Variants in PPP1R3A observed in about 807,000 individuals in gnomAD.
PPP1R3A encodes RG1.
Under a neutral mutation model 41.7 loss-of-function variants are expected in PPP1R3A, and 29 were observed. The ratio of observed to expected loss-of-function variants is 0.70; its 90% CI spans 0.52 to 0.95. PPP1R3A has a LOEUF of 0.95. Ranked by LOEUF, PPP1R3A falls within the 40% of genes least tolerant of loss-of-function variation. The probability of loss-of-function intolerance (pLI) is 0.00; values close to 1 mark genes in which losing one functional copy is unlikely to be tolerated. For synonymous variants in PPP1R3A, 485 were observed against 453.4 expected, an observed-to-expected ratio of 1.07 and a Z score of -0.89; for missense variants, 1,352 against 1,292.4, an observed-to-expected ratio of 1.05 and a Z score of -0.71.
intron 1 of PPP1R3A, among the ~76,000 whole-genome samples, chr7:113,915,851 T>C (rs1298205924): frequency 6.6e-6 from 1 of 151,998 alleles, no homozygotes; most frequent in Non-Finnish European, 1.5e-5. Flanking sequence ...GCTATTTTTC[T>C]CTAACCAAAC....
intron 1 of PPP1R3A, among the ~76,000 whole-genome samples, chr7:113,889,423 T>C (rs985547081): frequency 6.6e-6 from 1 of 152,162 alleles, no homozygotes; most frequent in Non-Finnish European, 1.5e-5. Context: ...AGGAAAAGCA[T>C]GGGTGAAAGA....
chr7:113,886,664 T>C (rs1424557881), intron 1 of PPP1R3A, among the ~76,000 whole-genome samples: 1 of 152,166 alleles, frequency 6.6e-6, no homozygotes, highest in Non-Finnish European at 1.5e-5. Flanking sequence ...TAATTTGAAA[T>C]ATATAAATAG....
intron 1 of PPP1R3A, among the ~76,000 whole-genome samples, chr7:113,894,000 A>C: frequency 6.6e-6 from 1 of 151,906 alleles, no homozygotes; most frequent in East Asian, 1.9e-4. Flanking sequence ...GTTGTGACAA[A>C]GTGGTAGGTG....
chr7:113,901,205 CT>C, intron 1 of PPP1R3A, among the ~76,000 whole-genome samples: 2 of 151,634 alleles, frequency 1.3e-5, no homozygotes. Context: ...TGACTTATTT[CT>C]GTGTGAAATA....
intron 1 of PPP1R3A, among the ~76,000 whole-genome samples, chr7:113,890,274 A>G (rs1796857749): frequency 6.6e-6 from 1 of 152,146 alleles, no homozygotes; most frequent in South Asian, 2.1e-4. Flanking sequence ...TACAAATGCT[A>G]TTCAGGGGCC....
intron 1 of PPP1R3A, among the ~76,000 whole-genome samples, chr7:113,908,111 T>C (rs908298265): frequency 6.6e-6 from 1 of 151,902 alleles, no homozygotes; most frequent in Non-Finnish European, 1.5e-5. Flanking sequence ...TTGAACTAAA[T>C]GGGTTTTATG....
chr7:113,883,328 C>G (rs1584812896), intron 1 of PPP1R3A, among the ~76,000 whole-genome samples: 1 of 151,974 alleles, frequency 6.6e-6, no homozygotes, highest in Admixed American at 6.6e-5. Flanking sequence ...ATTTGTGTAA[C>G]AAGAGTCTAG....
In PPP1R3A at chr7:113,918,511, A is replaced by G. The variant is rs1236646886; in HGVS notation, c.486T>C (p.Ser162=). The change falls in exon 1 of 4, where the codon TCT becomes TCC. Residue 162 remains serine, a synonymous_variant. Coordinates refer to ENST00000284601, the MANE Select transcript of PPP1R3A (RefSeq NM_002711.4). ...SFEKLVYVRM[S]LDDWQTHYDI... ...CATAATGTGTCTGCCAGTCATCTAA[A>G]GACATTCTTACATATACTAACTTCT... is the stretch of plus-strand genomic sequence containing the variant. 8.1e-6 allele frequency: 13 copies of G among 1,613,002 alleles called. No individual in the cohort carries two copies. The highest frequency in any genetic ancestry group is 1.7e-5 in the Admixed American group (1 of 59,900).
chr7:113,892,471 T>TAAAG (rs1796908556), intron 1 of PPP1R3A, among the ~76,000 whole-genome samples: 1 of 152,080 alleles, frequency 6.6e-6, no homozygotes, highest in Non-Finnish European at 1.5e-5. Context: ...AGGAAGAAAG[T>TAAAG]AAAGACTTAT....
At chr7:113,889,860 G>A (rs1562920549) in intron 1 of PPP1R3A, among the ~76,000 whole-genome samples, 1 of 152,036 alleles carries the variant, frequency 6.6e-6, no homozygotes, top group Non-Finnish European at 1.5e-5. Context: ...AAAGCAAGAC[G>A]GAGTCCCTGC....
At chr7:113,909,207 T>C (rs959656885) in intron 1 of PPP1R3A, among the ~76,000 whole-genome samples, 2 of 152,032 alleles carry the variant, frequency 1.3e-5, no homozygotes, top group African/African-American at 2.4e-5. Flanking sequence ...TACAGTTACA[T>C]TCTGGAAAGA....
intron 1 of PPP1R3A, among the ~76,000 whole-genome samples, chr7:113,917,258 G>A (rs1797356693): frequency 6.6e-6 from 1 of 151,952 alleles, no homozygotes; most frequent in South Asian, 2.1e-4. Context: ...GGACAGTTAA[G>A]ATGGACCACT....
At chr7:113,887,785 C>A (rs1340887558) in intron 1 of PPP1R3A, among the ~76,000 whole-genome samples, 2 of 152,082 alleles carry the variant, frequency 1.3e-5, no homozygotes, top group Non-Finnish European at 2.9e-5. Flanking sequence ...AATCCCAGCA[C>A]TTTGGGAGGC....
intron 1 of PPP1R3A, among the ~76,000 whole-genome samples, chr7:113,915,000 A>C (rs1372963800): frequency 1.3e-5 from 2 of 152,096 alleles, no homozygotes; most frequent in Non-Finnish European, 2.9e-5. Context: ...AACCCATCAG[A>C]TATATCAGGA....
In PPP1R3A at chr7:113,877,478, G is replaced by A. The variant is rs78892085; in HGVS notation, c.*245C>T. 2.6e-6 allele frequency: 1 copy of A among 378,860 alleles called. No homozygotes were observed. Among genetic ancestry groups the A allele is most frequent in the East Asian group, 4.1e-5 (1 of 24,582 alleles). The allele number at this position is 378,860 out of a possible 1,614,324, so 23.5% of individuals were successfully genotyped here. ...CATAGCCTGCTAAGGAGCAACAGCT[G>A]TACCTAATTTCAACTTGACGTGCTT... On this transcript the variant is annotated 3_prime_UTR_variant, in exon 4 of 4. Coordinates refer to ENST00000284601, the MANE Select transcript of PPP1R3A (RefSeq NM_002711.4).
intron 1 of PPP1R3A, among the ~76,000 whole-genome samples, chr7:113,916,866 C>G (rs1187122056): frequency 2.6e-5 from 4 of 151,974 alleles, no homozygotes; most frequent in African/African-American, 7.2e-5. Flanking sequence ...TCTTTCCTAA[C>G]AGCATCAGTT....
chr7:113,885,915 C>G (rs866974409), intron 1 of PPP1R3A, among the ~76,000 whole-genome samples: 6 of 147,452 alleles, frequency 4.1e-5, no homozygotes, highest in Non-Finnish European at 6.0e-5. Flanking sequence ...GTATATATAG[C>G]TATAACTGTA....
At position 113,878,563 on chromosome 7, in the gene PPP1R3A, T is replaced by C; in HGVS notation, c.2529A>G (p.Thr843=). 1 of 1,613,612 alleles carries C rather than the reference T, an allele frequency of 6.2e-7. No homozygotes were observed. Among genetic ancestry groups the C allele is most frequent in the East Asian group, 2.2e-5 (1 of 44,826 alleles). The part of the protein sequence containing the change: ...DREKCGTGNI[T]SVEESSWVIT... ...TGACCCATGAGGATTCTTCCACAGA[T>C]GTTATATTTCCAGTGCCACATTTCT... Residue 843 remains threonine (T), a synonymous_variant, in exon 4 of 4, where the codon ACA becomes ACG. Coordinates refer to ENST00000284601, the MANE Select transcript of PPP1R3A (RefSeq NM_002711.4).
chr7:113,905,824 C>T (rs1461850655), intron 1 of PPP1R3A, among the ~76,000 whole-genome samples: 4 of 151,752 alleles, frequency 2.6e-5, no homozygotes, highest in African/African-American at 9.7e-5. Flanking sequence ...AGCAGTGGCC[C>T]TGGCAAGAAG....
Sources: gnomAD v4.1 joint callset for allele counts (sites outside exome capture counted in the v4.1 genomes callset) on GRCh38, gnomAD v4.1.1 for gene constraint, MANE v1.5 for transcripts, NCBI Gene and HGNC (gene_info 2026-07-23, HGNC 2026-07-21) for gene names.